The following ASIC2 variants were observed in gnomAD, a reference collection of about 807,000 sequenced individuals.
ASIC2 encodes the protein acid-sensing ion channel 2.
In ASIC2, 25 loss-of-function variants were observed where a neutral mutation model predicts 57.3. The observed-to-expected ratio is 0.44, with a 90% CI of 0.32 to 0.61. ASIC2 has a LOEUF of 0.61. ASIC2 is among the 20% of genes least tolerant of loss of function. The pLI is 0.06. For missense variants in ASIC2, 641 were observed against 738.1 expected (o/e 0.87, Z 1.52); for synonymous variants, 319 against 307.5 (o/e 1.04, Z -0.39).
intron 1 of ASIC2, among the ~76,000 whole-genome samples, chr17:33,464,013 A>G (rs1912728519): frequency 7.0e-6 from 1 of 141,876 alleles, no homozygotes; most frequent in Non-Finnish European, 1.6e-5. Flanking sequence ...CTAATCACAA[A>G]ACAATCCAGT....
chr17:34,044,803 A>T (rs1007847275), intron 1 of ASIC2, among the ~76,000 whole-genome samples: 2 of 152,170 alleles, frequency 1.3e-5, no homozygotes, highest in African/African-American at 4.8e-5. Context: ...TGTCCTGCTG[A>T]TGAAGACTTC....
intron 1 of ASIC2, chr17:33,112,961 C>T (rs2092265573): frequency 6.6e-6 from 1 of 152,316 alleles, no homozygotes; most frequent in Middle Eastern, 3.1e-3. Context: ...TTCCTCCTGC[C>T]TTTCACTGTG....
Position 33,472,374 on chromosome 17 carries a change from C to A in ASIC2, c.556-360307G>T, listed in dbSNP as rs149061219. ...TGCTAAACACCCACCATGCACTGGGCACATTGTGTAAGTTACCATTTTAAT... is the reference window on the plus strand; with the variant it reads ...TGCTAAACACCCACCATGCACTGGGAACATTGTGTAAGTTACCATTTTAAT... On this transcript the variant is annotated intron_variant, in intron 1 of 9. Transcript: ENST00000359872. Among the ~76,000 whole-genome samples, 161 of 152,238 alleles carry A rather than the reference C, an allele frequency of 1.1e-3. 1 individual carries two copies. Among genetic ancestry groups the A allele is most frequent in the African/African-American group, 3.8e-3 (158 of 41,548 alleles).
intron 1 of ASIC2, among the ~76,000 whole-genome samples, chr17:33,522,466 A>C (rs1185191267): frequency 1.3e-5 from 2 of 152,074 alleles, no homozygotes; most frequent in Non-Finnish European, 2.9e-5. Context: ...AGTAGTTCTG[A>C]CCATGGTTGG....
chr17:33,348,620 T>C (rs1908044153), intron 1 of ASIC2, among the ~76,000 whole-genome samples: 1 of 151,802 alleles, frequency 6.6e-6, no homozygotes, highest in African/African-American at 2.4e-5. Context: ...GAGATTAGGG[T>C]GCATGGAGCA....
At chr17:33,037,130 C>CAA (rs35845015) in intron 3 of ASIC2, among the ~76,000 whole-genome samples, 2,755 of 125,522 alleles carry the variant, frequency 0.022, 91 homozygotes, top group African/African-American at 0.045. Flanking sequence ...GGTGTGGTAG[C>CAA]AAAAAAAAAA....
intron 1 of ASIC2, among the ~76,000 whole-genome samples, chr17:33,337,411 A>G (rs887841589): frequency 9.6e-5 from 12 of 125,208 alleles, no homozygotes; most frequent in Non-Finnish European, 1.7e-4. Context: ...AATAGTGATG[A>G]CAGGATGAGG....
chr17:34,111,814 A>G lies in ASIC2; in HGVS notation c.555+44164T>C, dbSNP rs535222787. On this transcript the variant is annotated intron_variant, in intron 1 of 9. Coordinates refer to the ASIC2 transcript ENST00000359872. ...AAAAGCTGAGAAAAACAAGTGGCTC[A>G]TAATAGAAGAATGTTCTAGTAAATT... 8.5e-5 allele frequency among the ~76,000 whole-genome samples: 13 copies of G among 152,356 alleles called. 1 individual carries two copies. In the South Asian group the frequency reaches 2.7e-3, roughly 32 times the overall value.
intron 1 of ASIC2, among the ~76,000 whole-genome samples, chr17:33,749,318 T>C (rs984972579): frequency 2.0e-5 from 3 of 151,828 alleles, no homozygotes; most frequent in Non-Finnish European, 4.4e-5. Flanking sequence ...CATCTTTGCT[T>C]GGTAGGACTC....
At chr17:33,103,926 T>C (rs1162207250) in intron 2 of ASIC2, among the ~76,000 whole-genome samples, 1 of 152,190 alleles carries the variant, frequency 6.6e-6, no homozygotes, top group Non-Finnish European at 1.5e-5. Flanking sequence ...TTGTAGACTT[T>C]TAACTCTTCC....
chr17:33,282,662 A>C (rs2142170995), intron 1 of ASIC2, among the ~76,000 whole-genome samples: 1 of 152,248 alleles, frequency 6.6e-6, no homozygotes. Flanking sequence ...TTTAGTAGAG[A>C]TGGGGTTTCA....
At chr17:33,742,392 A>G (rs1419404091) in intron 1 of ASIC2, among the ~76,000 whole-genome samples, 1 of 152,056 alleles carries the variant, frequency 6.6e-6, no homozygotes, top group Non-Finnish European at 1.5e-5. Context: ...AAGTTGAAGC[A>G]CATTTTTTTG....
At chr17:33,715,060 C>A (rs1909174526) in intron 1 of ASIC2, among the ~76,000 whole-genome samples, 1 of 151,090 alleles carries the variant, frequency 6.6e-6, no homozygotes, top group Admixed American at 6.6e-5. Context: ...AGTGCAGTGG[C>A]AGGATCACAG....
At chr17:33,796,463 C>T (rs1597879490) in intron 1 of ASIC2, among the ~76,000 whole-genome samples, 1 of 152,056 alleles carries the variant, frequency 6.6e-6, no homozygotes, top group East Asian at 1.9e-4. Flanking sequence ...CAGGTTGGAT[C>T]TCAAAGCTAG....
intron 1 of ASIC2, among the ~76,000 whole-genome samples, chr17:33,346,635 A>G (rs752677476): frequency 2.0e-5 from 3 of 152,214 alleles, no homozygotes; most frequent in Non-Finnish European, 2.9e-5. Context: ...ATCCGTGCAA[A>G]GATATCAAGC....
At chr17:33,673,091 T>A (rs189541872) in intron 1 of ASIC2, among the ~76,000 whole-genome samples, 1 of 152,058 alleles carries the variant, frequency 6.6e-6, no homozygotes, top group African/African-American at 2.4e-5. Flanking sequence ...AAATCAGGGG[T>A]GACCTCATAG....
intron 1 of ASIC2, among the ~76,000 whole-genome samples, chr17:33,381,214 A>G (rs1909476416): frequency 6.6e-6 from 1 of 152,238 alleles, no homozygotes. Context: ...CTGAAACCAA[A>G]GCTAGCCGTG....
At chr17:33,896,423 T>C (rs182142101) in intron 1 of ASIC2, among the ~76,000 whole-genome samples, 12 of 152,378 alleles carry the variant, frequency 7.9e-5, no homozygotes, top group African/African-American at 2.2e-4. Flanking sequence ...AAGTAAGTTC[T>C]GATTTTGCAT....
chr17:34,012,186 A>G (rs931667328), intron 1 of ASIC2, among the ~76,000 whole-genome samples: 6 of 151,872 alleles, frequency 4.0e-5, no homozygotes, highest in Non-Finnish European at 7.4e-5. Context: ...AAACCTGAAC[A>G]CCTCATTGAT....
Sources: allele counts gnomAD v4.1 joint callset (sites outside exome capture counted in the v4.1 genomes callset), GRCh38; gene constraint gnomAD v4.1.1; transcripts MANE v1.5; gene names NCBI Gene and HGNC (gene_info 2026-07-23, HGNC 2026-07-21).